The following CAP2 variants were observed in gnomAD, a reference collection of about 807,000 sequenced individuals.
CAP2 encodes the protein cyclase associated actin cytoskeleton regulatory protein 2, also known as adenylyl cyclase-associated protein 2.
CAP2 carries 24 observed loss-of-function variants against 57.7 expected under a neutral mutation model. That is an observed-to-expected ratio of 0.42 (90% CI 0.30 to 0.58). The LOEUF is 0.58. Among genes scored for constraint, CAP2 ranks in the 20% least tolerant of loss-of-function variants. The probability of loss-of-function intolerance (pLI) is 0.22; values close to 1 mark genes in which losing one functional copy is unlikely to be tolerated. For synonymous variants in CAP2, 194 were observed against 207.2 expected (o/e 0.94, Z 0.55); for missense variants, 501 against 590.3 (o/e 0.85, Z 1.57).
intron 11 of CAP2, among the ~76,000 whole-genome samples, chr6:17,548,832 A>G (rs537824464): frequency 5.9e-5 from 9 of 152,366 alleles, no homozygotes; most frequent in Admixed American, 2.6e-4. Context: ...TTTTAGGACA[A>G]TTGATTATCC....
intron 3 of CAP2, among the ~76,000 whole-genome samples, chr6:17,436,935 G>A (rs908826243): frequency 1.3e-5 from 2 of 152,144 alleles, no homozygotes; most frequent in African/African-American, 2.4e-5. Flanking sequence ...TCTCAGAGGA[G>A]CATAAACCCT....
intron 4 of CAP2, among the ~76,000 whole-genome samples, chr6:17,482,417 G>A (rs1761312317): frequency 6.6e-6 from 1 of 150,642 alleles, no homozygotes; most frequent in Non-Finnish European, 1.5e-5. Context: ...GCTGAGGCAG[G>A]AGAATCGCTT....
chr6:17,488,711 A>G (rs1437283417), intron 4 of CAP2, among the ~76,000 whole-genome samples: 1 of 152,226 alleles, frequency 6.6e-6, no homozygotes, highest in Non-Finnish European at 1.5e-5. Flanking sequence ...TGTGGAAGCC[A>G]TAGTTTCAAT....
chr6:17,514,097 C>T, intron 7 of CAP2, 143 bp downstream of exon 7: 2 of 633,360 alleles, frequency 3.2e-6, no homozygotes, highest in South Asian at 3.8e-5. Flanking sequence ...GGCGCGGTGG[C>T]TCACGCCTGT....
intron 3 of CAP2, 117 bp downstream of exon 3, chr6:17,426,807 G>C: frequency 1.5e-6 from 1 of 687,254 alleles, no homozygotes. Context: ...ACTCTGGCTA[G>C]GCAGATGGTG....
At chr6:17,415,115 T>C (rs528294385) in intron 1 of CAP2, among the ~76,000 whole-genome samples, 31 of 152,344 alleles carry the variant, frequency 2.0e-4, no homozygotes, top group Non-Finnish European at 3.4e-4. Context: ...CCCTTGGATC[T>C]GGGTCTCTCT....
intron 11 of CAP2, among the ~76,000 whole-genome samples, chr6:17,546,632 T>C (rs1763054866): frequency 6.6e-6 from 1 of 152,204 alleles, no homozygotes; most frequent in South Asian, 2.1e-4. Flanking sequence ...GCCTATGTCC[T>C]GAATGATATA....
intron 4 of CAP2, among the ~76,000 whole-genome samples, chr6:17,505,044 C>G (rs1287562660): frequency 2.0e-5 from 3 of 152,124 alleles, no homozygotes; most frequent in Admixed American, 6.5e-5. Context: ...TATGAGTTAA[C>G]TGCATCATGG....
intron 7 of CAP2, among the ~76,000 whole-genome samples, chr6:17,517,539 A>C (rs1762298609): frequency 6.6e-6 from 1 of 152,148 alleles, no homozygotes; most frequent in Admixed American, 6.5e-5. Flanking sequence ...ATTTTTTATA[A>C]AATTCTGGCT....
At chr6:17,406,307 C>T (rs1021552382) in intron 1 of CAP2, among the ~76,000 whole-genome samples, 2 of 151,830 alleles carry the variant, frequency 1.3e-5, no homozygotes, top group Non-Finnish European at 2.9e-5. Context: ...GACAGAGTAG[C>T]GAGAGGAATA....
chr6:17,516,718 A>G (rs1036828605), intron 7 of CAP2, among the ~76,000 whole-genome samples: 1 of 152,136 alleles, frequency 6.6e-6, no homozygotes. Flanking sequence ...CCAGCACCCA[A>G]CCCTCCATGC....
intron 3 of CAP2, among the ~76,000 whole-genome samples, chr6:17,461,219 T>G (rs200898784): frequency 0.014 from 469 of 33,004 alleles, 3 homozygotes; most frequent in African/African-American, 0.041. Flanking sequence ...CTTTGAAACC[T>G]TTTTTTTTTT....
At chr6:17,397,979 A>G (rs936237380) in intron 1 of CAP2, among the ~76,000 whole-genome samples, 1 of 152,116 alleles carries the variant, frequency 6.6e-6, no homozygotes, top group African/African-American at 2.4e-5. Flanking sequence ...GATGGCATGT[A>G]ACCACTTACT....
intron 4 of CAP2, among the ~76,000 whole-genome samples, chr6:17,485,244 T>C (rs1408378082): frequency 6.6e-6 from 1 of 152,190 alleles, no homozygotes; most frequent in East Asian, 1.9e-4. Flanking sequence ...AAAATTCTCT[T>C]ATCACCTGTT....
intron 1 of CAP2, among the ~76,000 whole-genome samples, chr6:17,414,053 C>CAA (rs34468074): frequency 2.1e-5 from 2 of 95,758 alleles, no homozygotes; most frequent in African/African-American, 6.0e-5. Context: ...GACTCTGTCT[C>CAA]AAAAAAAAAA....
intron 4 of CAP2, among the ~76,000 whole-genome samples, chr6:17,488,304 C>T (rs928806228): frequency 1.3e-5 from 2 of 152,154 alleles, no homozygotes; most frequent in African/African-American, 4.8e-5. Flanking sequence ...GTTCTCTCAG[C>T]CTTCCCCTTC....
At chr6:17,507,365 T>C (rs1018221183) in intron 5 of CAP2, 53 bp downstream of exon 5, 2 of 1,580,092 alleles carry the variant, frequency 1.3e-6, no homozygotes, top group African/African-American at 2.7e-5. Context: ...TTGGAGTATT[T>C]AGGAGAACTA....
chr6:17,425,368 G>A (rs1213784082), intron 2 of CAP2, among the ~76,000 whole-genome samples: 2 of 152,188 alleles, frequency 1.3e-5, no homozygotes, highest in Non-Finnish European at 2.9e-5. Context: ...AACCCAACAG[G>A]TATGGGCTCA....
chr6:17,545,693 C>A (rs1763026742), intron 11 of CAP2, among the ~76,000 whole-genome samples: 1 of 152,122 alleles, frequency 6.6e-6, no homozygotes, highest in Non-Finnish European at 1.5e-5. Context: ...GCTATCCCTC[C>A]CCCTCCCCCA....
Sources: gnomAD v4.1 joint callset for allele counts (sites outside exome capture counted in the v4.1 genomes callset) on GRCh38, gnomAD v4.1.1 for gene constraint, MANE v1.5 for transcripts, NCBI Gene and HGNC (gene_info 2026-07-23, HGNC 2026-07-21) for gene names.